Variants in STK3 observed in about 807,000 individuals in gnomAD.
STK3 encodes serine/threonine kinase 3.
STK3 carries 41 observed loss-of-function variants against 58.0 expected under a neutral mutation model. That is an observed-to-expected ratio of 0.71 (90% CI 0.55 to 0.92). STK3 has a LOEUF of 0.92. Ranked by LOEUF, STK3 falls within the 40% of genes least tolerant of loss-of-function variation. The pLI is 0.00. For missense variants in STK3, 479 were observed against 602.7 expected (o/e 0.79, Z 2.15); for synonymous variants, 170 against 191.0 (o/e 0.89, Z 0.91).
chr8:98,744,124 C>T (rs905661116), intron 4 of STK3, among the ~76,000 whole-genome samples: 9 of 152,172 alleles, frequency 5.9e-5, no homozygotes, highest in Non-Finnish European at 1.3e-4. Flanking sequence ...CACTTTTACA[C>T]TGTTGATGGG....
the STK3 span, among the ~76,000 whole-genome samples, chr8:98,352,798 T>C: frequency 8.5e-5 from 13 of 152,190 alleles, no homozygotes; most frequent in African/African-American, 2.4e-5. Flanking sequence ...TACAGTAACC[T>C]TTTAACCAAA....
chr8:98,347,218 A>T, the STK3 span, among the ~76,000 whole-genome samples: 4 of 151,928 alleles, frequency 2.6e-5, no homozygotes, highest in Non-Finnish European at 5.9e-5. Flanking sequence ...ATATTTTTTA[A>T]AAAACCAGCG....
intron 9 of STK3, among the ~76,000 whole-genome samples, chr8:98,545,677 AAG>A (rs1810641505): frequency 6.6e-6 from 1 of 152,150 alleles, no homozygotes; most frequent in South Asian, 2.1e-4. Context: ...CCAATGGAAA[AAG>A]AGATGAAATT....
At chr8:98,900,109 C>G (rs1398160571) in intron 1 of STK3, among the ~76,000 whole-genome samples, 1 of 152,206 alleles carries the variant, frequency 6.6e-6, no homozygotes, top group Non-Finnish European at 1.5e-5. Context: ...CAGGGTCTCC[C>G]TCTGTCGCCC....
At chr8:98,347,771 A>T in the STK3 span, among the ~76,000 whole-genome samples, 2 of 152,228 alleles carry the variant, frequency 1.3e-5, no homozygotes, top group Non-Finnish European at 2.9e-5. Context: ...AAATGTTAAG[A>T]TACAAATAGA....
At chr8:98,399,801 G>T (rs1017769677), downstream of STK3, among the ~76,000 whole-genome samples, 1 of 152,190 alleles carries the variant, frequency 6.6e-6, no homozygotes, top group Non-Finnish European at 1.5e-5. Flanking sequence ...AGAGAATGGG[G>T]TGTGGCTTAC....
At chr8:98,779,992 G>C (rs933727527) in intron 1 of STK3, among the ~76,000 whole-genome samples, 2 of 151,876 alleles carry the variant, frequency 1.3e-5, no homozygotes, top group Admixed American at 6.6e-5. Flanking sequence ...AAATGAAACT[G>C]AGAATACAGA....
chr8:98,457,769 T>C (rs529973478), intron 10 of STK3, among the ~76,000 whole-genome samples: 5 of 152,166 alleles, frequency 3.3e-5, no homozygotes, highest in South Asian at 2.1e-4. Context: ...TAACATATTA[T>C]ATAAAGCAAA....
At chr8:98,697,202 T>C (rs558945845) in intron 6 of STK3, among the ~76,000 whole-genome samples, 39 of 152,344 alleles carry the variant, frequency 2.6e-4, no homozygotes, top group African/African-American at 8.9e-4. Flanking sequence ...TTGGTGGTGA[T>C]TTCACCTTTA....
chr8:98,822,169 G>A (rs1014797078), intron 1 of STK3, among the ~76,000 whole-genome samples: 2 of 152,178 alleles, frequency 1.3e-5, no homozygotes, highest in African/African-American at 2.4e-5. Flanking sequence ...GGGATGGGAA[G>A]GGAGTGTAAT....
downstream of STK3, chr8:98,882,919 A>C (rs1564080752): frequency 6.6e-6 from 1 of 152,180 alleles, no homozygotes; most frequent in Non-Finnish European, 1.5e-5. Context: ...AGGTTTTCTA[A>C]ATGAGAGTTT....
chr8:98,700,426 A>G (rs1404629917), intron 6 of STK3, among the ~76,000 whole-genome samples: 5 of 152,156 alleles, frequency 3.3e-5, no homozygotes, highest in Non-Finnish European at 7.4e-5. Context: ...AGTACCTCAG[A>G]TGGAAATGCA....
chr8:98,730,587 A>C (rs1162287105), intron 4 of STK3, among the ~76,000 whole-genome samples: 1 of 151,906 alleles, frequency 6.6e-6, no homozygotes, highest in Non-Finnish European at 1.5e-5. Context: ...ATAGTGGTGC[A>C]TGCCTGTAAT....
chr8:98,688,467 T>G (rs557994465), intron 6 of STK3, among the ~76,000 whole-genome samples: 1 of 152,058 alleles, frequency 6.6e-6, no homozygotes, highest in Non-Finnish European at 1.5e-5. Context: ...CCACAGAATA[T>G]ACATTCTTCT....
intron 1 of STK3, among the ~76,000 whole-genome samples, chr8:98,782,951 A>G (rs1339676961): frequency 6.6e-6 from 1 of 152,120 alleles, no homozygotes; most frequent in East Asian, 1.9e-4. Context: ...TATGTAAACC[A>G]TAAACCCACA....
intron 1 of STK3, among the ~76,000 whole-genome samples, chr8:98,785,130 T>C (rs959069707): frequency 2.0e-5 from 3 of 151,502 alleles, no homozygotes; most frequent in African/African-American, 4.9e-5. Context: ...AATTGGCATA[T>C]TGGGCCATGC....
intron 1 of STK3, among the ~76,000 whole-genome samples, chr8:98,449,515 G>C (rs1462137076): frequency 6.6e-6 from 1 of 152,100 alleles, no homozygotes; most frequent in Non-Finnish European, 1.5e-5. Flanking sequence ...TAAGGACCAA[G>C]AACGATGAAA....
chr8:98,423,854 C>T (rs1300297029), intron 3 of STK3, among the ~76,000 whole-genome samples: 1 of 152,204 alleles, frequency 6.6e-6, no homozygotes, highest in Non-Finnish European at 1.5e-5. Context: ...GCAGAGATAA[C>T]AGTCGGCCAG....
chr8:98,547,993 C>T lies in STK3; in HGVS notation c.1117G>A (p.Glu373Lys). 1 of 1,597,166 alleles carries T rather than the reference C, an allele frequency of 6.3e-7. No homozygotes were observed. Among genetic ancestry groups the T allele is most frequent in the Non-Finnish European group, 8.5e-7 (1 of 1,174,080 alleles). ...GTMVINSEDE[E>K]EEDGTMKRNA... ...CTTTTCATAGTTCCATCTTCTTCTT[C>T]CTCATCCTCACTGTTTATCACCATG... The change falls in exon 9 of 11, where the codon GAA becomes AAA. Residue 373 changes from glutamate to lysine, a missense_variant. Around this residue, in one of 3 missense-constraint regions of STK3, gnomAD observed 309 missense variants for 355.7 expected, o/e 0.87. Coordinates refer to ENST00000419617, the MANE Select transcript of STK3 (RefSeq NM_006281.4).
Sources: gnomAD v4.1 joint callset for allele counts (sites outside exome capture counted in the v4.1 genomes callset) on GRCh38, gnomAD v4.1.1 for gene constraint, gnomAD v4.1.1 regional missense constraint, MANE v1.5 for transcripts, NCBI Gene and HGNC (gene_info 2026-07-23, HGNC 2026-07-21) for gene names.